The following PTPRT variants were observed in gnomAD, a reference collection of about 807,000 sequenced individuals.
PTPRT encodes receptor-type tyrosine-protein phosphatase T.
PTPRT carries 56 observed loss-of-function variants against 176.8 expected under a neutral mutation model. That is an observed-to-expected ratio of 0.32 (90% CI 0.26 to 0.40). The LOEUF is 0.40. Among genes scored for constraint, PTPRT ranks in the 10% least tolerant of loss-of-function variants. The pLI is 1.00. For missense variants in PTPRT, 1,540 were observed against 1,908.2 expected (o/e 0.81, Z 3.60); for synonymous variants, 783 against 739.0 (o/e 1.06, Z -0.96).
At chr20:42,339,150 G>C (rs962124307) in intron 11 of PTPRT, among the ~76,000 whole-genome samples, 1 of 152,176 alleles carries the variant, frequency 6.6e-6, no homozygotes, top group Non-Finnish European at 1.5e-5. Context: ...AAAGAACACA[G>C]ATTTGTTCAG....
At chr20:42,302,321 T>C (rs1219071071) in intron 12 of PTPRT, among the ~76,000 whole-genome samples, 2 of 152,216 alleles carry the variant, frequency 1.3e-5, no homozygotes, top group African/African-American at 2.4e-5. Flanking sequence ...CCAGCATTAT[T>C]TGATATCTGC....
intron 2 of PTPRT, among the ~76,000 whole-genome samples, chr20:42,872,951 A>G (rs1568650584): frequency 2.0e-5 from 3 of 152,194 alleles, no homozygotes; most frequent in African/African-American, 7.2e-5. Context: ...CTGGCAGTAG[A>G]GATAATGCCT....
At chr20:42,671,024 A>C (rs1176487594) in intron 7 of PTPRT, among the ~76,000 whole-genome samples, 1 of 152,156 alleles carries the variant, frequency 6.6e-6, no homozygotes, top group African/African-American at 2.4e-5. Context: ...GTCTTAAGAC[A>C]CCAACAAGCT....
intron 1 of PTPRT, among the ~76,000 whole-genome samples, chr20:43,083,336 A>G (rs1444372898): frequency 2.2e-4 from 23 of 105,066 alleles, no homozygotes; most frequent in African/African-American, 7.6e-4. Flanking sequence ...ATATATATAT[A>G]TATATATATA....
intron 2 of PTPRT, among the ~76,000 whole-genome samples, chr20:42,851,088 T>A (rs1278519661): frequency 2.0e-5 from 3 of 152,170 alleles, no homozygotes; most frequent in African/African-American, 4.8e-5. Context: ...TTCTCCACTG[T>A]TTCAAACATC....
intron 6 of PTPRT, among the ~76,000 whole-genome samples, chr20:42,752,004 C>T (rs1341272982): frequency 6.6e-6 from 1 of 152,146 alleles, no homozygotes; most frequent in African/African-American, 2.4e-5. Flanking sequence ...GACCCCATGA[C>T]CCAAATGTCC....
intron 18 of PTPRT, among the ~76,000 whole-genome samples, chr20:42,135,470 T>C (rs77378951): frequency 6.6e-6 from 1 of 152,156 alleles, no homozygotes; most frequent in Admixed American, 6.5e-5. Flanking sequence ...GTGGGGCCCA[T>C]CAATATGCAT....
intron 15 of PTPRT, among the ~76,000 whole-genome samples, chr20:42,226,552 T>G (rs1037198264): frequency 6.6e-6 from 1 of 152,204 alleles, no homozygotes; most frequent in Non-Finnish European, 1.5e-5. Flanking sequence ...ACTAAAGCAT[T>G]TCCTTCCATT....
At chr20:43,171,686 A>G (rs1222442429) in intron 1 of PTPRT, among the ~76,000 whole-genome samples, 1 of 152,166 alleles carries the variant, frequency 6.6e-6, no homozygotes, top group Admixed American at 6.5e-5. Context: ...TTAAAAACAC[A>G]AATTTCTGGG....
At chr20:42,279,156 T>G (rs942507166) in intron 13 of PTPRT, among the ~76,000 whole-genome samples, 1 of 152,146 alleles carries the variant, frequency 6.6e-6, no homozygotes, top group Admixed American at 6.6e-5. Flanking sequence ...TCTCTATGGC[T>G]CTGATCAGAT....
intron 9 of PTPRT, among the ~76,000 whole-genome samples, chr20:42,399,536 C>A (rs1285547011): frequency 6.6e-6 from 1 of 152,204 alleles, no homozygotes; most frequent in Non-Finnish European, 1.5e-5. Flanking sequence ...CTAGAGCCCA[C>A]AGAGGATTCT....
chr20:42,791,545 A>G, intron 2 of PTPRT, 79 bp from the exon 3 acceptor site: 1 of 1,446,294 alleles, frequency 6.9e-7, no homozygotes. Context: ...TCACACCCAT[A>G]AACATGGTGG....
chr20:42,135,201 T>C (rs979116), intron 18 of PTPRT, among the ~76,000 whole-genome samples: 52,345 of 152,010 alleles, frequency 0.34, 9,260 homozygotes, highest in East Asian at 0.54. Context: ...TCACCTGGGG[T>C]AGGTTACCAC....
chr20:42,558,092 T>C (rs2072891170), intron 7 of PTPRT, among the ~76,000 whole-genome samples: 1 of 152,154 alleles, frequency 6.6e-6, no homozygotes, highest in South Asian at 2.1e-4. Context: ...CACTCAGGTA[T>C]TAAACCTAGT....
intron 1 of PTPRT, among the ~76,000 whole-genome samples, chr20:43,081,260 G>C: frequency 6.6e-6 from 1 of 152,180 alleles, no homozygotes; most frequent in East Asian, 1.9e-4. Context: ...ATTTTGGGAG[G>C]AGGAGAAAGT....
intron 7 of PTPRT, among the ~76,000 whole-genome samples, chr20:42,554,145 T>C (rs963757674): frequency 6.6e-6 from 1 of 152,170 alleles, no homozygotes; most frequent in Non-Finnish European, 1.5e-5. Context: ...CAGAGAGTCC[T>C]TGAATTTTGT....
At chr20:42,271,355 T>C (rs1423966039) in intron 13 of PTPRT, among the ~76,000 whole-genome samples, 1 of 152,232 alleles carries the variant, frequency 6.6e-6, no homozygotes, top group Non-Finnish European at 1.5e-5. Flanking sequence ...AGGTGTCAGT[T>C]TATAACCTGT....
intron 1 of PTPRT, among the ~76,000 whole-genome samples, chr20:43,113,446 T>G (rs2012942248): frequency 6.6e-6 from 1 of 152,244 alleles, no homozygotes; most frequent in South Asian, 2.1e-4. Context: ...GGATCCTGCT[T>G]GGTTTTTAAT....
chr20:42,855,588 C>T (rs900868021), intron 2 of PTPRT, among the ~76,000 whole-genome samples: 1 of 145,528 alleles, frequency 6.9e-6, no homozygotes, highest in Non-Finnish European at 1.5e-5. Context: ...TGCGCCACCA[C>T]ACCCAGCTGA....
Sources: gnomAD v4.1 joint callset for allele counts (sites outside exome capture counted in the v4.1 genomes callset) on GRCh38, gnomAD v4.1.1 for gene constraint, MANE v1.5 for transcripts, NCBI Gene and HGNC (gene_info 2026-07-23, HGNC 2026-07-21) for gene names.